Variants in FHIT observed in about 807,000 individuals in gnomAD.
FHIT encodes the protein fragile histidine triad diadenosine triphosphatase.
Under a neutral mutation model 17.9 loss-of-function variants are expected in FHIT, and 19 were observed. The ratio of observed to expected loss-of-function variants is 1.06; its 90% confidence interval spans 0.74 to 1.56. The LOEUF (loss-of-function observed/expected upper bound fraction) is 1.56. Ranked by LOEUF, FHIT falls within the 40% of genes most tolerant of loss-of-function variation. FHIT has a pLI of 0.00. For synonymous variants in FHIT, 81 were observed against 69.7 expected (o/e 1.16, Z -0.81); for missense variants, 248 against 189.2 (o/e 1.31, Z -1.82).
chr3:60,634,632 C>T (rs1241767497), intron 4 of FHIT, among the ~76,000 whole-genome samples: 1 of 152,122 alleles, frequency 6.6e-6, no homozygotes, highest in African/African-American at 2.4e-5. Context: ...TAATGCAGTG[C>T]TGTGTGGCCA....
chr3:59,767,296 C>T lies in FHIT; in HGVS notation c.349-14975G>A, dbSNP rs554505724. Among the ~76,000 whole-genome samples, 10 of 152,198 alleles carry T rather than the reference C, an allele frequency of 6.6e-5. No homozygotes were observed. The South Asian group carries it at 1.7e-3, about 25-fold the overall frequency. On this transcript the variant is annotated intron_variant, in intron 8 of 9. Transcript: ENST00000492590. ...GGTGGATCACCTGAGGTCAGGAGTT[C>T]GAGACCAGCCTGGCCAACATGGTGA...
intron 5 of FHIT, among the ~76,000 whole-genome samples, chr3:60,047,570 G>T (rs753629559): frequency 2.6e-5 from 4 of 152,216 alleles, no homozygotes; most frequent in African/African-American, 9.6e-5. Context: ...GGCGTGAACC[G>T]ATATGCTAGG....
At chr3:60,261,612 T>C (rs575469964) in intron 5 of FHIT, among the ~76,000 whole-genome samples, 62 of 152,146 alleles carry the variant, frequency 4.1e-4, no homozygotes, top group Non-Finnish European at 7.9e-4. Context: ...ACTATCCTCA[T>C]AGTAAATTAA....
At chr3:60,063,534 A>G (rs1406655035) in intron 5 of FHIT, among the ~76,000 whole-genome samples, 1 of 151,938 alleles carries the variant, frequency 6.6e-6, no homozygotes, top group Non-Finnish European at 1.5e-5. Context: ...AACAAAATCT[A>G]CCTAAAAAAC....
At chr3:60,589,778 G>T (rs782806017) in intron 4 of FHIT, among the ~76,000 whole-genome samples, 15 of 152,022 alleles carry the variant, frequency 9.9e-5, no homozygotes, top group East Asian at 5.8e-4. Context: ...GTATATTTTT[G>T]ATTGTGATTT....
At chr3:60,863,499 A>G (rs1295870376) in intron 3 of FHIT, among the ~76,000 whole-genome samples, 1 of 152,224 alleles carries the variant, frequency 6.6e-6, no homozygotes, top group Middle Eastern at 3.2e-3. Flanking sequence ...CAGAAAAGAA[A>G]GGGTTTAAGA....
At position 60,483,488 on chromosome 3, in the gene FHIT, G is replaced by C. The variant is rs113200315; in HGVS notation, c.103+53372C>G. Among the ~76,000 whole-genome samples the C allele has an allele frequency of 2.3e-3, 351 of 152,292 alleles. 2 individuals carry two copies. Among genetic ancestry groups the C allele is most frequent in the African/African-American group, 8.0e-3 (331 of 41,572 alleles). On this transcript the variant is annotated intron_variant, in intron 5 of 9. Coordinates refer to ENST00000492590, the MANE Select transcript of FHIT (RefSeq NM_002012.4). ...CAAAAAACTTATCCACCACGATCAA[G>C]TCAGCTTCATTCCTGGGATTCAATG...
intron 5 of FHIT, among the ~76,000 whole-genome samples, chr3:60,226,950 C>T (rs929648236): frequency 2.6e-5 from 4 of 152,130 alleles, no homozygotes; most frequent in Non-Finnish European, 4.4e-5. Flanking sequence ...AAAGGAAAAT[C>T]AAAAGTCATT....
chr3:60,418,418 A>ACACACACACCACAGACGAT (rs1702341690), intron 5 of FHIT, among the ~76,000 whole-genome samples: 1 of 38,410 alleles, frequency 2.6e-5, no homozygotes, highest in Non-Finnish European at 6.2e-5. Flanking sequence ...ATATATATAT[A>ACACACACACCACAGACGAT]TATATATACG....
intron 2 of FHIT, among the ~76,000 whole-genome samples, chr3:61,103,271 T>A (rs940238576): frequency 9.2e-5 from 14 of 152,348 alleles, no homozygotes; most frequent in African/African-American, 3.4e-4. Flanking sequence ...TCTCATTGGT[T>A]TCAAAGAACA....
intron 3 of FHIT, among the ~76,000 whole-genome samples, chr3:60,925,719 T>G (rs1707562837): frequency 6.6e-6 from 1 of 152,114 alleles, no homozygotes; most frequent in Non-Finnish European, 1.5e-5. Flanking sequence ...AATATTAACC[T>G]TAAATGTAAA....
At chr3:60,551,949 A>G (rs1277204770) in intron 4 of FHIT, among the ~76,000 whole-genome samples, 1 of 151,976 alleles carries the variant, frequency 6.6e-6, no homozygotes, top group Non-Finnish European at 1.5e-5. Flanking sequence ...GAACATTTTT[A>G]CCCCCAAAAG....
intron 3 of FHIT, among the ~76,000 whole-genome samples, chr3:60,865,798 G>A (rs1364939753): frequency 6.6e-6 from 1 of 152,126 alleles, no homozygotes; most frequent in Non-Finnish European, 1.5e-5. Context: ...TCTTTTCAGG[G>A]TTAACACTTG....
intron 4 of FHIT, among the ~76,000 whole-genome samples, chr3:60,574,914 G>A (rs949435107): frequency 3.3e-5 from 5 of 151,220 alleles, no homozygotes; most frequent in African/African-American, 4.9e-5. Context: ...TGCACACTGT[G>A]TTCCCCTTAT....
chr3:61,212,841 G>C (rs891617771), intron 1 of FHIT, among the ~76,000 whole-genome samples: 1 of 152,154 alleles, frequency 6.6e-6, no homozygotes, highest in South Asian at 2.1e-4. Context: ...GAGTGGAGGA[G>C]GCCCATATTC....
At chr3:60,088,690 C>A (rs780030117) in intron 5 of FHIT, among the ~76,000 whole-genome samples, 1 of 152,158 alleles carries the variant, frequency 6.6e-6, no homozygotes, top group Non-Finnish European at 1.5e-5. Context: ...TAGCACTACT[C>A]AATTCCTTCT....
intron 4 of FHIT, among the ~76,000 whole-genome samples, chr3:60,694,081 T>C (rs1337716100): frequency 1.3e-5 from 2 of 152,174 alleles, no homozygotes; most frequent in African/African-American, 2.4e-5. Context: ...CATTGGTTAG[T>C]AAAGCTGCAA....
chr3:60,635,507 C>G (rs1336319785), intron 4 of FHIT, among the ~76,000 whole-genome samples: 2 of 152,140 alleles, frequency 1.3e-5, no homozygotes, highest in African/African-American at 4.8e-5. Context: ...TACCTGGCTC[C>G]ATTTGTCTTC....
At chr3:60,564,791 G>T (rs1207143299) in intron 4 of FHIT, among the ~76,000 whole-genome samples, 1 of 152,152 alleles carries the variant, frequency 6.6e-6, no homozygotes, top group Non-Finnish European at 1.5e-5. Context: ...AACTCCTAGT[G>T]AAGATGATGT....
Sources: gnomAD v4.1 joint callset for allele counts (sites outside exome capture counted in the v4.1 genomes callset) on GRCh38, gnomAD v4.1.1 for gene constraint, MANE v1.5 for transcripts, NCBI Gene and HGNC (gene_info 2026-07-23, HGNC 2026-07-21) for gene names.